Variants in ZNF160 observed in about 807,000 individuals in gnomAD.
The protein encoded by ZNF160 is KRAB zinc finger protein KR18.
A neutral mutation model predicts 13.1 loss-of-function variants in ZNF160; 9 were observed. The ratio of observed to expected loss-of-function variants is 0.69; its 90% CI spans 0.41 to 1.20. ZNF160 has a LOEUF of 1.20. Ranked by LOEUF, ZNF160 falls within the 50% of genes most tolerant of loss-of-function variation. The pLI, the probability that ZNF160 is intolerant of heterozygous loss-of-function variation, is 0.01. For missense variants in ZNF160, 838 were observed against 988.0 expected (o/e 0.85, Z 2.04); for synonymous variants, 293 against 333.2 (o/e 0.88, Z 1.31).
Position 53,068,097 on chromosome 19 carries a change from C to G in ZNF160, c.2437G>C (p.Gly813Arg), listed in dbSNP as rs771195166. The G allele has an allele frequency of 6.2e-7, 1 of 1,608,032 alleles. No individual in the cohort carries two copies. Among genetic ancestry groups the G allele is most frequent in the East Asian group, 2.2e-5 (1 of 44,826 alleles). ...CACACTCATTTGTAAGGTTTCTCTCCGGTATGCATTCTGTGATGACTTGCA... is the reference window on the plus strand; with the variant it reads ...CACACTCATTTGTAAGGTTTCTCTCGGGTATGCATTCTGTGATGACTTGCA... Reference protein sequence around the residue: ...NLASHHRMHTGEKPYK With the variant: ...NLASHHRMHTREKPYK Residue 813 changes from glycine to arginine, a missense_variant, in exon 6 of 6, where the codon GGA becomes CGA. Around this residue, in one of 3 missense-constraint regions of ZNF160, gnomAD observed 51 missense variants for 46.9 expected, o/e 1.09. Transcript: ENST00000683776.
intron 3 of ZNF160, chr19:53,075,400 A>T (rs11672502): frequency 0.078 from 41,586 of 532,950 alleles, 1,863 homozygotes; most frequent in Middle Eastern, 0.11. Flanking sequence ...ATCTTTTTGT[A>T]CATTAATGGG....
Position 53,068,482 on chromosome 19 carries a change from C to T in ZNF160, c.2052G>A (p.Lys684=), listed in dbSNP as rs748074576. 13 of 1,613,678 alleles carry T rather than the reference C, an allele frequency of 8.1e-6. No homozygotes were observed. The highest frequency in any genetic ancestry group is 1.3e-5 in the African/African-American group (1 of 74,980). The change falls in exon 6 of 6, where the codon AAG becomes AAA. Residue 684 remains lysine (K), a synonymous_variant. Transcript: ENST00000683776. ...EKPYKCNQCG[K]VFTQNSHLAN... Reference sequence around the variant, plus strand: ...CAAGGTGTGAGTTCTGAGTGAAGACCTTGCCACATTGATTACATTTGTAAG... The same window carrying T: ...CAAGGTGTGAGTTCTGAGTGAAGACTTTGCCACATTGATTACATTTGTAAG...
chr19:53,075,330 T>C (rs2084346371), intron 3 of ZNF160, 147 bp from the exon 4 acceptor site: 1 of 1,016,098 alleles, frequency 9.8e-7, no homozygotes. Flanking sequence ...ACATACAGAT[T>C]TGGTCTTCAT....
At position 53,086,247 on chromosome 19, in the gene ZNF160, G is replaced by C; in HGVS notation, c.15+15C>G. Reference sequence around the variant, plus strand: ...GAAGAAATAAAAGAACAATCCACCAGGAGTATCACTTTACCTGAGTAAGGG... The same window carrying C: ...GAAGAAATAAAAGAACAATCCACCACGAGTATCACTTTACCTGAGTAAGGG... On this transcript the variant is annotated intron_variant, in intron 3 of 5. Transcript: ENST00000683776. 6.3e-7 allele frequency: 1 copy of C among 1,581,824 alleles called. No individual in the cohort carries two copies. Among genetic ancestry groups the C allele is most frequent in the Non-Finnish European group, 8.6e-7 (1 of 1,163,222 alleles).
intron 3 of ZNF160, chr19:53,075,892 C>G (rs1472508236): frequency 4.0e-6 from 2 of 501,722 alleles, no homozygotes; most frequent in East Asian, 1.1e-4. Context: ...TGTGTGTGCG[C>G]TGTTGTGGGA....
At chr19:53,077,774 TAC>T (rs956095132) in intron 3 of ZNF160, among the ~76,000 whole-genome samples, 8 of 150,654 alleles carry the variant, frequency 5.3e-5, no homozygotes, top group African/African-American at 7.3e-5. Flanking sequence ...TATATATATA[TAC>T]ATTATCAAAG....
At chr19:53,070,521 C>T (rs994353792) in intron 5 of ZNF160, among the ~76,000 whole-genome samples, 6 of 152,078 alleles carry the variant, frequency 3.9e-5, no homozygotes, top group African/African-American at 1.4e-4. Context: ...CACCATTCTC[C>T]CGCCTCAGCC....
At chr19:53,073,978 T>G (rs561042648) in intron 5 of ZNF160, among the ~76,000 whole-genome samples, 162 bp downstream of exon 5, 1 of 151,954 alleles carries the variant, frequency 6.6e-6, no homozygotes, top group African/African-American at 2.4e-5. Context: ...TTAGTAGAGA[T>G]AGGGTTTCAC....
In ZNF160 at chr19:53,079,417, G is replaced by T. The variant is rs546294187; in HGVS notation, c.16-4234C>A. ...TACAAAAATTTAGCCAGGCATGGTT[G>T]CACATGCCTGTAATCCCGGCTACTT... is the stretch of plus-strand genomic sequence containing the variant. On this transcript the variant is annotated intron_variant, in intron 3 of 5. Coordinates refer to ENST00000683776, the MANE Select transcript of ZNF160 (RefSeq NM_001322131.2). Among the ~76,000 whole-genome samples, 6 of 151,946 alleles carry T rather than the reference G, an allele frequency of 3.9e-5. No homozygotes were observed. In the East Asian group the frequency reaches 1.2e-3, roughly 30 times the overall value.
Position 53,068,894 on chromosome 19 carries a change from G to A in ZNF160, c.1640C>T (p.Thr547Ile), listed in dbSNP as rs1393603141. The change falls in exon 6 of 6, where the codon ACT (threonine) becomes ATT (isoleucine). Residue 547 changes from threonine to isoleucine, a missense_variant. Physicochemically the swap from Thr to Ile is moderately conservative, Grantham distance 89. Transcript: ENST00000683776. ...YKCIECGKSF[T>I]QKSHLRSHRG... ...ATGACTTCTAAGGTGTGATTTTTGA[G>A]TGAAGCTCTTGCCACATTCAATACA... 2 of 1,613,700 alleles carry A rather than the reference G, an allele frequency of 1.2e-6. No individual in the cohort carries two copies. Among genetic ancestry groups the A allele is most frequent in the Non-Finnish European group, 1.7e-6 (2 of 1,179,956 alleles).
intron 1 of ZNF160, among the ~76,000 whole-genome samples, chr19:53,099,308 G>A (rs925471394): frequency 1.3e-5 from 2 of 152,144 alleles, no homozygotes; most frequent in African/African-American, 4.8e-5. Context: ...GGTAAGAGGA[G>A]GGACAAAGAC....
chr19:53,100,557 C>G (rs866525415), intron 1 of ZNF160, among the ~76,000 whole-genome samples: 6 of 151,844 alleles, frequency 4.0e-5, no homozygotes, highest in African/African-American at 1.5e-4. Flanking sequence ...TTGCAGTGAG[C>G]CGAGATTGCA....
intron 1 of ZNF160, among the ~76,000 whole-genome samples, chr19:53,094,159 A>G (rs2085134636): frequency 6.6e-6 from 1 of 152,190 alleles, no homozygotes; most frequent in African/African-American, 2.4e-5. Context: ...GATTTTCCCT[A>G]TAATTCCTCT....
chr19:53,077,771 ATATAC>A (rs1265398020), intron 3 of ZNF160, among the ~76,000 whole-genome samples: 1 of 151,772 alleles, frequency 6.6e-6, no homozygotes, highest in African/African-American at 2.4e-5. Context: ...ATATATATAT[ATATAC>A]ATTATCAAAG....
chr19:53,088,133 G>C (rs1361612918), intron 2 of ZNF160, among the ~76,000 whole-genome samples: 1 of 152,188 alleles, frequency 6.6e-6, no homozygotes, highest in Non-Finnish European at 1.5e-5. Flanking sequence ...AAAGCAGAAA[G>C]TGATCAGAGT....
chr19:53,069,896 T>C lies in ZNF160; in HGVS notation c.638A>G (p.Asn213Ser). 1.2e-6 allele frequency: 2 copies of C among 1,614,170 alleles called. No individual in the cohort carries two copies. Among genetic ancestry groups the C allele is most frequent in the Non-Finnish European group, 8.5e-7 (1 of 1,180,030 alleles). The part of the protein sequence containing the change: ...ECNQVEKSTN[N>S]GSSVSPLQQI... ...TTGAAGTGGTGACACTGAGGAACCA[T>C]TGTTGGTAGACTTCTCAACTTGATT... Residue 213 changes from asparagine (N) to serine (S), a missense_variant, in exon 6 of 6, where the codon AAT becomes AGT. Coordinates refer to ENST00000683776, the MANE Select transcript of ZNF160 (RefSeq NM_001322131.2). This position sits in a 1 kb window ranked among gnomAD's most constrained non-coding sequence, Gnocchi z 4.4.
chr19:53,071,543 A>AG (rs1209818608), intron 5 of ZNF160, among the ~76,000 whole-genome samples: 3 of 149,512 alleles, frequency 2.0e-5, no homozygotes, highest in Non-Finnish European at 4.4e-5. Flanking sequence ...TCTCATCAAA[A>AG]AAAAAAAAAA....
chr19:53,068,197 ATGGGTAGTTAGACT>A lies in ZNF160; in HGVS notation c.2323_2336del (p.Ser775TyrfsTer13), dbSNP rs1425029327. On this transcript the variant is annotated frameshift_variant, in exon 6 of 6. Transcript: ENST00000683776. LOFTEE classifies it low-confidence loss of function (END_TRUNC). ...GCTTTTCTCCAGTGTGGATTGCCAT[ATGGGTAGTTAGACT>A]TGATCTTACCCTAAAGGCTTTCCCA... 6.2e-7 allele frequency: 1 copy of A among 1,614,192 alleles called. No individual in the cohort carries two copies. Among genetic ancestry groups the A allele is most frequent in the Non-Finnish European group, 8.5e-7 (1 of 1,180,020 alleles).
chr19:53,071,987 A>G (rs1053671139), intron 5 of ZNF160, among the ~76,000 whole-genome samples: 10 of 152,252 alleles, frequency 6.6e-5, no homozygotes, highest in Non-Finnish European at 1.3e-4. Context: ...AACATTCAAT[A>G]AAACTATGTC....
Sources: gnomAD v4.1 joint callset for allele counts (sites outside exome capture counted in the v4.1 genomes callset) on GRCh38, gnomAD v4.1.1 for gene constraint, gnomAD v4.1.1 regional missense constraint, Gnocchi (gnomAD v3.1) non-coding constraint, MANE v1.5 for transcripts, NCBI Gene and HGNC (gene_info 2026-07-23, HGNC 2026-07-21) for gene names.